Variants in ACTN2 observed in about 807,000 individuals in gnomAD.
ACTN2 encodes the protein actinin alpha 2.
In ACTN2, 39 loss-of-function variants were observed where a neutral mutation model predicts 113.8. The ratio of observed to expected loss-of-function variants is 0.34; its 90% confidence interval spans 0.27 to 0.45. ACTN2 has a LOEUF of 0.45. Among genes scored for constraint, ACTN2 ranks in the 20% least tolerant of loss-of-function variants. ACTN2 has a pLI of 1.00. For missense variants in ACTN2, 992 were observed against 1,177.9 expected (o/e 0.84, Z 2.31); for synonymous variants, 429 against 444.1 (o/e 0.97, Z 0.43).
chr1:236,702,554 C>T (rs994115518), intron 1 of ACTN2, among the ~76,000 whole-genome samples: 2 of 152,106 alleles, frequency 1.3e-5, no homozygotes, highest in African/African-American at 4.8e-5. Flanking sequence ...GTATTTTATA[C>T]TCTAATATGC....
At chr1:236,690,956 GA>G (rs1666061263) in intron 1 of ACTN2, among the ~76,000 whole-genome samples, 1 of 60,114 alleles carries the variant, frequency 1.7e-5, no homozygotes, top group East Asian at 5.2e-4. Flanking sequence ...TTTTTTTTTT[GA>G]GACGGAGTCT....
intron 1 of ACTN2, among the ~76,000 whole-genome samples, chr1:236,707,757 G>A (rs746200786): frequency 3.1e-5 from 4 of 129,120 alleles, no homozygotes; most frequent in Non-Finnish European, 6.2e-5. Context: ...TGTCACCCAG[G>A]CTGGAGTGCA....
chr1:236,707,607 G>A (rs1034860841), intron 1 of ACTN2, among the ~76,000 whole-genome samples: 2 of 151,200 alleles, frequency 1.3e-5, no homozygotes, highest in East Asian at 1.9e-4. Context: ...TTTCCTAGTC[G>A]CTTATAATCC....
At position 236,744,727 on chromosome 1, in the gene ACTN2, G is replaced by A; in HGVS notation, c.1357G>A (p.Ala453Thr). 2 of 1,614,216 alleles carry A rather than the reference G, an allele frequency of 1.2e-6. No individual in the cohort carries two copies. Reference sequence around the variant, plus strand: ...CGAGGCGTTCGAGAGCGACCTGGCAGCGCACCAGGACCGCGTGGAGCAGAT... The same window carrying A: ...CGAGGCGTTCGAGAGCGACCTGGCAACGCACCAGGACCGCGTGGAGCAGAT... ...KHEAFESDLA[A>T]HQDRVEQIAA... Residue 453 changes from alanine to threonine, a missense_variant, in exon 12 of 21, where the codon GCG (alanine) becomes ACG (threonine). Around this residue, in one of 3 missense-constraint regions of ACTN2, gnomAD observed 736 missense variants for 815.4 expected, o/e 0.90. Coordinates refer to ENST00000366578, the MANE Select transcript of ACTN2 (RefSeq NM_001103.4).
In ACTN2 at chr1:236,737,176, G is replaced by A; in HGVS notation, c.838G>A (p.Glu280Lys). The change falls in exon 9 of 21, where the codon GAG becomes AAG. Residue 280 changes from glutamate (E) to lysine (K), a missense_variant. Physicochemically the swap from Glu to Lys is moderately conservative, Grantham distance 56. Transcript: ENST00000366578. ...GGTTCTTGCTGTGAATCAAGAGAATGAGAGGCTGATGGAAGAATATGAGAG... is the reference window on the plus strand; with the variant it reads ...GGTTCTTGCTGTGAATCAAGAGAATAAGAGGCTGATGGAAGAATATGAGAG... ...CKVLAVNQENERLMEEYERLA... is the reference protein window; with the variant it reads ...CKVLAVNQENKRLMEEYERLA... 1 of 1,606,490 alleles carries A rather than the reference G, an allele frequency of 6.2e-7. No homozygotes were observed. Among genetic ancestry groups the A allele is most frequent in the African/African-American group, 1.3e-5 (1 of 74,700 alleles).
At chr1:236,744,854 T>A in intron 12 of ACTN2, 78 bp downstream of exon 12, 3 of 1,601,602 alleles carry the variant, frequency 1.9e-6, no homozygotes, top group Non-Finnish European at 2.6e-6. Flanking sequence ...TGCCTTGCCT[T>A]TCCTGACTAA....
chr1:236,761,716 C>T (rs1208412373), intron 20 of ACTN2, among the ~76,000 whole-genome samples: 1 of 151,946 alleles, frequency 6.6e-6, no homozygotes, highest in African/African-American at 2.4e-5. Context: ...AATATTTTAC[C>T]CCCCAAACAA....
In ACTN2 at chr1:236,754,033, T is replaced by C. The variant is rs1256171800; in HGVS notation, c.1926T>C (p.Phe642=). The change falls in exon 16 of 21, where the codon TTT becomes TTC. Residue 642 remains phenylalanine, a synonymous_variant. Coordinates refer to ENST00000366578, the MANE Select transcript of ACTN2 (RefSeq NM_001103.4). This position sits in a 1 kb window ranked among gnomAD's most constrained non-coding sequence, Gnocchi z 4.9. The part of the protein sequence containing the change: ...QHANERLRRQ[F]AAQANAIGPW... ...CTAACGAGCGTCTGAGGCGCCAGTT[T>C]GCTGCCCAAGCCAATGCCATTGGGC... The C allele has an allele frequency of 1.2e-6, 2 of 1,614,136 alleles. No homozygotes were observed. Among genetic ancestry groups the C allele is most frequent in the Non-Finnish European group, 1.7e-6 (2 of 1,180,032 alleles).
Position 236,742,968 on chromosome 1 carries a change from C to T in ACTN2, c.1180C>T (p.Arg394Trp), listed in dbSNP as rs559395092. The change falls in exon 11 of 21, where the codon CGG (arginine) becomes TGG (tryptophan). Residue 394 changes from arginine (R) to tryptophan (W), a missense_variant. Around this residue, in one of 3 missense-constraint regions of ACTN2, gnomAD observed 736 missense variants for 815.4 expected, o/e 0.90. Transcript: ENST00000366578. ...GYEEWLLNEI[R>W]RLERLEHLAE... ...CGAGGAGTGGTTGCTCAATGAGATT[C>T]GGAGACTGGAGCGCTTGGAACACCT... is the stretch of plus-strand genomic sequence containing the variant. The T allele has an allele frequency of 7.5e-5, 121 of 1,614,106 alleles. No homozygotes were observed. The highest frequency in any genetic ancestry group is 1.6e-4 in the Middle Eastern group (1 of 6,062).
At chr1:236,692,911 A>C (rs911246213) in intron 1 of ACTN2, among the ~76,000 whole-genome samples, 5 of 152,106 alleles carry the variant, frequency 3.3e-5, no homozygotes, top group African/African-American at 1.2e-4. Context: ...CCTACAGAAA[A>C]GGCGCAGTTC....
Position 236,744,897 on chromosome 1 carries a change from G to A in ACTN2, c.1406+121G>A. The A allele has an allele frequency of 3.1e-6, 4 of 1,274,424 alleles. No homozygotes were observed. The Admixed American group carries it at 8.4e-5, about 27-fold the overall frequency. 78.9% of individuals were successfully genotyped at this position (1,274,424 alleles called of 1,614,324 possible). On this transcript the variant is annotated intron_variant, in intron 12 of 20. Coordinates refer to ENST00000366578, the MANE Select transcript of ACTN2 (RefSeq NM_001103.4). ...GGGAACCACGCTGGAGGCACTCTGT[G>A]CAGGGATTCTCCTTGTTTCTTTAAA...
intron 5 of ACTN2, among the ~76,000 whole-genome samples, chr1:236,726,317 A>G (rs1658548908): frequency 6.6e-6 from 1 of 152,130 alleles, no homozygotes; most frequent in Non-Finnish European, 1.5e-5. Context: ...TCACCCTGGT[A>G]TTGGGAAAAG....
chr1:236,692,836 T>A (rs1161942455), intron 1 of ACTN2, among the ~76,000 whole-genome samples: 1 of 152,104 alleles, frequency 6.6e-6, no homozygotes, highest in African/African-American at 2.4e-5. Flanking sequence ...GCAGGGAAAC[T>A]TAATTAACGC....
rs763184766 is a variant in ACTN2 at position 236,755,144 on chromosome 1, G to C, written c.2100G>C (p.Gln700His). ...TCGACAAGCTGGAGGGAGACCATCA[G>C]CTCATCCAGGAGGCCCTTGTCTTTG... The part of the protein sequence containing the change: ...NNIDKLEGDH[Q>H]LIQEALVFDN... The change falls in exon 17 of 21, where the codon CAG becomes CAC. Residue 700 changes from glutamine to histidine, a missense_variant. Gln to His is a conservative substitution (Grantham distance 24). Coordinates refer to ENST00000366578, the MANE Select transcript of ACTN2 (RefSeq NM_001103.4). 6.2e-7 allele frequency: 1 copy of C among 1,614,088 alleles called. No homozygotes were observed. Among genetic ancestry groups the C allele is most frequent in the Non-Finnish European group, 8.5e-7 (1 of 1,180,056 alleles).
intron 7 of ACTN2, chr1:236,734,534 A>C: frequency 2.7e-6 from 4 of 1,506,752 alleles, no homozygotes; most frequent in Non-Finnish European, 3.6e-6. Context: ...GATGTAAACC[A>C]TGAGTCACTG....
In ACTN2 at chr1:236,747,365, T is replaced by G. The variant is rs73117900; in HGVS notation, c.1407-302T>G. Among the ~76,000 whole-genome samples the G allele has an allele frequency of 3.3e-3, 510 of 152,324 alleles. 6 individuals are homozygous for G. The highest frequency in any genetic ancestry group is 0.011 in the African/African-American group (471 of 41,562). On this transcript the variant is annotated intron_variant, in intron 12 of 20. Transcript: ENST00000366578. ...TTTCTTTTATGTGTATAAATGTAGG[T>G]GGGGTGGGGCACAAGTGCAGTTTTG... is the stretch of plus-strand genomic sequence containing the variant.
rs7527525 is a variant in ACTN2 at position 236,739,260 on chromosome 1, C to G, written c.877-42C>G. ...TTTTTTTTTTAACTGGGGGAGGGGG[C>G]TTGCTGGTGTCTTCAGCAGTATTTT... On this transcript the variant is annotated intron_variant, in intron 9 of 20. Coordinates refer to ENST00000366578, the MANE Select transcript of ACTN2 (RefSeq NM_001103.4). 92,306 of 1,597,050 alleles carry G rather than the reference C, an allele frequency of 0.058. 3,029 individuals are homozygous for G. The highest frequency in any genetic ancestry group is 0.1 in the Middle Eastern group (627 of 6,026).
intron 8 of ACTN2, chr1:236,736,781 A>G (rs1658890499): frequency 4.3e-6 from 3 of 702,534 alleles, no homozygotes; most frequent in African/African-American, 1.8e-5. Flanking sequence ...TCAGGTGGAC[A>G]TTCAGGGACC....
In ACTN2 at chr1:236,717,986, A is replaced by G. The variant is rs1213069691; in HGVS notation, c.241+14A>G. 4 of 1,571,370 alleles carry G rather than the reference A, an allele frequency of 2.5e-6. No homozygotes were observed. The South Asian group carries it at 3.3e-5, about 13-fold the overall frequency. Reference sequence around the variant, plus strand: ...AAGTCATCTCAGGTTGGTGTTATATATCCCATCCTATGCTTTCATGTGTTA... The same window carrying G: ...AAGTCATCTCAGGTTGGTGTTATATGTCCCATCCTATGCTTTCATGTGTTA... On this transcript the variant is annotated intron_variant, in intron 2 of 20. Coordinates refer to ENST00000366578, the MANE Select transcript of ACTN2 (RefSeq NM_001103.4).
Sources: allele counts gnomAD v4.1 joint callset (sites outside exome capture counted in the v4.1 genomes callset), GRCh38; gene constraint gnomAD v4.1.1; regional missense constraint gnomAD v4.1.1; non-coding constraint Gnocchi (gnomAD v3.1); transcripts MANE v1.5; gene names NCBI Gene and HGNC (gene_info 2026-07-23, HGNC 2026-07-21).